The following STAT4 variants were observed in gnomAD, a reference collection of about 807,000 sequenced individuals.
STAT4 encodes the protein signal transducer and activator of transcription 4.
A neutral mutation model predicts 110.5 loss-of-function variants in STAT4; 42 were observed. That is an observed-to-expected ratio of 0.38 (90% confidence interval 0.30 to 0.49). The LOEUF is 0.49. Ranked by LOEUF, STAT4 falls within the 20% of genes least tolerant of loss-of-function variation. The pLI is 0.95. For synonymous variants in STAT4, 284 were observed against 302.2 expected (o/e 0.94, Z 0.63); for missense variants, 632 against 887.9 (o/e 0.71, Z 3.66).
At chr2:191,136,024 C>CAAAAAAAAAAAAAAAAA (rs1699173501) in intron 3 of STAT4, among the ~76,000 whole-genome samples, 4 of 43,720 alleles carry the variant, frequency 9.1e-5, no homozygotes, top group African/African-American at 2.6e-4. Context: ...AAAAAAAAAC[C>CAAAAAAAAAAAAAAAAA]AAAAAACAAA....
At chr2:191,087,009 GC>G (rs1697651956) in intron 3 of STAT4, among the ~76,000 whole-genome samples, 1 of 152,048 alleles carries the variant, frequency 6.6e-6, no homozygotes, top group Non-Finnish European at 1.5e-5. Flanking sequence ...GAGACTGATT[GC>G]TCTTGACATT....
rs769304507 is a variant in STAT4 at position 191,066,501 on chromosome 2, T to A, written c.559A>T (p.Asn187Tyr). 6.8e-6 allele frequency: 11 copies of A among 1,613,238 alleles called. No homozygotes were observed. Among genetic ancestry groups the A allele is most frequent in the Non-Finnish European group, 9.3e-6 (11 of 1,179,572 alleles). ...TIQTMDQSDKNSAMVNQEVLT... is the reference protein window; with the variant it reads ...TIQTMDQSDKYSAMVNQEVLT... ...ACTTCCTGATTCACCATGGCACTAT[T>A]CTTGTCACTCTGATCTGCAAAGGTA... Residue 187 changes from asparagine to tyrosine, a missense_variant, in exon 7 of 24, where the codon AAT (asparagine) becomes TAT (tyrosine). Coordinates refer to ENST00000392320, the MANE Select transcript of STAT4 (RefSeq NM_003151.4). This position sits in a 1 kb window ranked among gnomAD's most constrained non-coding sequence, Gnocchi z 4.3.
rs1385839004 is a variant in STAT4 at position 191,144,692 on chromosome 2, A to G, written c.273+1921T>C. Among the ~76,000 whole-genome samples, 1 of 152,110 alleles carries G rather than the reference A, an allele frequency of 6.6e-6. No individual in the cohort carries two copies. Among genetic ancestry groups the G allele is most frequent in the Admixed American group, 6.5e-5 (1 of 15,270 alleles). On this transcript the variant is annotated intron_variant, in intron 3 of 23. Transcript: ENST00000392320. This position sits in a 1 kb window ranked among gnomAD's most constrained non-coding sequence, Gnocchi z 4.7. ...GGCCAGAGGAGAAGCTTCCCTCACA[A>G]TCTTATCCTCCAGCCCACAAAAGAT... is the stretch of plus-strand genomic sequence containing the variant.
At chr2:191,115,457 C>T (rs375457831) in intron 3 of STAT4, among the ~76,000 whole-genome samples, 8 of 152,310 alleles carry the variant, frequency 5.3e-5, no homozygotes, top group South Asian at 2.1e-4. Context: ...GGGTTGGATT[C>T]CATCACCCAC....
chr2:191,054,694 T>C lies in STAT4; in HGVS notation c.1207-160A>G, dbSNP rs369966325. Among the ~76,000 whole-genome samples the C allele has an allele frequency of 1.1e-4, 16 of 152,350 alleles. 1 individual carries two copies. The East Asian group carries it at 1.5e-3, about 15-fold the overall frequency. On this transcript the variant is annotated intron_variant, in intron 13 of 23. Transcript: ENST00000392320. ...GAAACCTGACACAACTGCCCAGATT[T>C]GACAGAGAGGAGTTTCCTGTCTCAC...
rs1698214680 is a variant in STAT4 at position 191,104,130 on chromosome 2, T to C, written c.274-27805A>G. 6.6e-6 allele frequency among the ~76,000 whole-genome samples: 1 copy of C among 152,160 alleles called. No individual in the cohort carries two copies. Among genetic ancestry groups the C allele is most frequent in the Non-Finnish European group, 1.5e-5 (1 of 68,010 alleles). ...AAAAAATATATCTATTCATCTCTAATACTTTTAAAAAGACAAGAAAAAATA... is the reference window on the plus strand; with the variant it reads ...AAAAAATATATCTATTCATCTCTAACACTTTTAAAAAGACAAGAAAAAATA... On this transcript the variant is annotated intron_variant, in intron 3 of 23. Coordinates refer to ENST00000392320, the MANE Select transcript of STAT4 (RefSeq NM_003151.4). The surrounding 1 kb of genome is among the most constrained non-coding windows in gnomAD (Gnocchi z 4.3).
At chr2:191,081,773 G>C (rs1697487607) in intron 3 of STAT4, among the ~76,000 whole-genome samples, 1 of 152,264 alleles carries the variant, frequency 6.6e-6, no homozygotes, top group African/African-American at 2.4e-5. Context: ...ATAGTGACAT[G>C]CTGCTTTTGA....
intron 15 of STAT4, among the ~76,000 whole-genome samples, chr2:191,040,393 T>G (rs1025283408): frequency 6.6e-6 from 1 of 152,128 alleles, no homozygotes; most frequent in Non-Finnish European, 1.5e-5. Flanking sequence ...AAAGAAAATA[T>G]ATCACTACAT....
chr2:191,031,278 C>T lies in STAT4; in HGVS notation c.2111+172G>A, dbSNP rs1256411073. On this transcript the variant is annotated intron_variant, in intron 22 of 23. Coordinates refer to ENST00000392320, the MANE Select transcript of STAT4 (RefSeq NM_003151.4). The surrounding 1 kb of genome is among the most constrained non-coding windows in gnomAD (Gnocchi z 4.8). The stretch of plus-strand genomic sequence containing the variant: ...AAAAGGGGAATTTTATAATTTTAGG[C>T]ACAATAGATTGTGGTAAGTGTGCCC... 6.1e-5 allele frequency: 55 copies of T among 894,800 alleles called. No homozygotes were observed. In the East Asian group the frequency reaches 1.4e-3, roughly 23 times the overall value. 55.4% of individuals were successfully genotyped at this position (894,800 alleles called of 1,614,324 possible). A position where few individuals can be genotyped will look rare whatever the true frequency, so the allele number is the denominator to read the frequency against.
At chr2:191,048,247 A>G (rs1207322200) in intron 14 of STAT4, among the ~76,000 whole-genome samples, 2 of 152,226 alleles carry the variant, frequency 1.3e-5, no homozygotes, top group Non-Finnish European at 2.9e-5. Context: ...GTTTACTTTA[A>G]ATCTCTGATG....
rs933545200 is a variant in STAT4, at chr2:191,099,494, C to T, written c.274-23169G>A. On this transcript the variant is annotated intron_variant, in intron 3 of 23. Transcript: ENST00000392320. This position sits in a 1 kb window ranked among gnomAD's most constrained non-coding sequence, Gnocchi z 4.1. ...AGGGATGGTTCAATAAACTGTAACA[C>T]ATTTCCTACCATTAAAATGGAGGGA... 2.0e-5 allele frequency among the ~76,000 whole-genome samples: 3 copies of T among 152,070 alleles called. No individual in the cohort carries two copies. Among genetic ancestry groups the T allele is most frequent in the Non-Finnish European group, 4.4e-5 (3 of 67,962 alleles).
chr2:191,100,418 G>C (rs908271363), intron 3 of STAT4, among the ~76,000 whole-genome samples: 1 of 152,172 alleles, frequency 6.6e-6, no homozygotes, highest in African/African-American at 2.4e-5. Context: ...TCCTGGATTT[G>C]ACTTGCAGGT....
At chr2:191,096,672 G>A (rs914739075) in intron 3 of STAT4, among the ~76,000 whole-genome samples, 3 of 152,042 alleles carry the variant, frequency 2.0e-5, no homozygotes, top group Non-Finnish European at 2.9e-5. Flanking sequence ...CATACTAAAC[G>A]GGCAAAAACT....
intron 4 of STAT4, among the ~76,000 whole-genome samples, chr2:191,074,883 G>A (rs898858328): frequency 2.0e-5 from 3 of 152,074 alleles, no homozygotes; most frequent in East Asian, 1.9e-4. Context: ...ACTTTTGGCC[G>A]GGGGCGGTGG....
intron 3 of STAT4, among the ~76,000 whole-genome samples, chr2:191,119,967 C>T (rs1317789131): frequency 6.6e-6 from 1 of 152,110 alleles, no homozygotes; most frequent in Non-Finnish European, 1.5e-5. Flanking sequence ...CACTTATTAG[C>T]CTTTTGGCTA....
intron 3 of STAT4, among the ~76,000 whole-genome samples, chr2:191,125,195 T>C (rs932947988): frequency 1.3e-5 from 2 of 152,162 alleles, no homozygotes. Flanking sequence ...ATGGTACAGA[T>C]TATCTTCCCA....
intron 3 of STAT4, among the ~76,000 whole-genome samples, chr2:191,126,621 C>T (rs1445017323): frequency 2.6e-5 from 4 of 151,996 alleles, no homozygotes; most frequent in Non-Finnish European, 4.4e-5. Context: ...TTTTCCTGGC[C>T]ACAGACTGCC....
intron 4 of STAT4, chr2:191,076,023 ATT>A (rs1255013003): frequency 2.2e-3 from 913 of 408,586 alleles, no homozygotes; most frequent in South Asian, 3.2e-3. Context: ...CTAATTTTTA[ATT>A]TTTTTTTTTT....
At chr2:191,125,475 A>AC in intron 3 of STAT4, among the ~76,000 whole-genome samples, 1 of 43,004 alleles carries the variant, frequency 2.3e-5, no homozygotes, top group South Asian at 1.1e-3. Context: ...GATCCTCATT[A>AC]TTTATTATTA....
Sources: gnomAD v4.1 joint callset for allele counts (sites outside exome capture counted in the v4.1 genomes callset) on GRCh38, gnomAD v4.1.1 for gene constraint, Gnocchi (gnomAD v3.1) non-coding constraint, MANE v1.5 for transcripts, NCBI Gene and HGNC (gene_info 2026-07-23, HGNC 2026-07-21) for gene names.